MYO18B: variants seen among roughly 807,000 people sequenced by gnomAD.
MYO18B encodes unconventional myosin-XVIIIb.
In MYO18B, 204 loss-of-function variants were observed where a neutral mutation model predicts 273.0. The ratio of observed to expected loss-of-function variants is 0.75; its 90% CI spans 0.67 to 0.84. The LOEUF (loss-of-function observed/expected upper bound fraction) is 0.84. Ranked by LOEUF, MYO18B falls within the 40% of genes least tolerant of loss-of-function variation. The pLI is 0.00. For synonymous variants in MYO18B, 1,330 were observed against 1,305.7 expected, an observed-to-expected ratio of 1.02 and a Z score of -0.40; for missense variants, 3,212 against 3,287.6, an observed-to-expected ratio of 0.98 and a Z score of 0.56.
At chr22:25,838,612 T>G (rs2089977862) in intron 17 of MYO18B, among the ~76,000 whole-genome samples, 1 of 152,238 alleles carries the variant, frequency 6.6e-6, no homozygotes, top group African/African-American at 2.4e-5. Flanking sequence ...TACCATTGTG[T>G]TATGGTGGCT....
intron 13 of MYO18B, among the ~76,000 whole-genome samples, chr22:25,825,066 G>T (rs2089442275): frequency 6.6e-6 from 1 of 152,036 alleles, no homozygotes; most frequent in Non-Finnish European, 1.5e-5. Flanking sequence ...CACACGCATA[G>T]ACACAAGCAC....
intron 11 of MYO18B, among the ~76,000 whole-genome samples, chr22:25,789,189 G>A (rs2087543652): frequency 1.3e-5 from 2 of 150,486 alleles, no homozygotes; most frequent in Admixed American, 6.7e-5. Context: ...GGAGGGCTTA[G>A]CCTGCTCCCC....
intron 39 of MYO18B, among the ~76,000 whole-genome samples, chr22:25,984,518 G>A (rs1021524873): frequency 6.6e-6 from 1 of 152,164 alleles, no homozygotes; most frequent in Non-Finnish European, 1.5e-5. Context: ...GGCTGGGTAC[G>A]GTGGCTCATG....
At chr22:25,909,317 A>G (rs2092110564) in intron 32 of MYO18B, among the ~76,000 whole-genome samples, 1 of 152,104 alleles carries the variant, frequency 6.6e-6, no homozygotes, top group Non-Finnish European at 1.5e-5. Context: ...TACAGAATAC[A>G]CTCAATTTTG....
At chr22:25,847,681 G>T (rs1373710480) in intron 20 of MYO18B, 29 bp downstream of exon 20, 22 of 1,509,254 alleles carry the variant, frequency 1.5e-5, no homozygotes, top group East Asian at 2.5e-5. Context: ...ACAGCACCTT[G>T]TCTCTGACTC....
At chr22:25,756,542 T>G (rs1241229168) in intron 1 of MYO18B, 1 of 152,222 alleles carries the variant, frequency 6.6e-6, no homozygotes, top group Non-Finnish European at 1.5e-5. Flanking sequence ...ATGGCTGCCG[T>G]TAAGTTATGA....
intron 11 of MYO18B, 144 bp from the exon 12 acceptor site, chr22:25,797,809 C>G (rs1226648794): frequency 1.7e-6 from 2 of 1,153,972 alleles, no homozygotes; most frequent in East Asian, 4.7e-5. Flanking sequence ...TCTGTCAGTA[C>G]TCCTCAGCTT....
At chr22:25,852,060 G>C (rs753475464) in intron 21 of MYO18B, among the ~76,000 whole-genome samples, 1 of 152,214 alleles carries the variant, frequency 6.6e-6, no homozygotes, top group Non-Finnish European at 1.5e-5. Context: ...TGCAAAGTGT[G>C]TTCCATTCAG....
intron 39 of MYO18B, among the ~76,000 whole-genome samples, chr22:25,967,494 A>G (rs2092992171): frequency 6.6e-6 from 1 of 152,110 alleles, no homozygotes; most frequent in African/African-American, 2.4e-5. Context: ...TTCTCTTTTT[A>G]CTGTTCTTTT....
intron 34 of MYO18B, among the ~76,000 whole-genome samples, chr22:25,945,683 TCCTCTCCCCTCGCCTCC>T (rs757771979): frequency 0.044 from 5,652 of 127,530 alleles, 365 homozygotes; most frequent in East Asian, 0.059. Flanking sequence ...AGGAGGCCTC[TCCTCTCCCCTCGCCTCC>T]CCTCTCCCCT....
intron 1 of MYO18B, among the ~76,000 whole-genome samples, chr22:25,751,012 C>A (rs1225971988): frequency 1.3e-5 from 2 of 152,352 alleles, no homozygotes; most frequent in South Asian, 2.1e-4. Flanking sequence ...ATCAGCCCCA[C>A]CACCTCCTGG....
At position 26,030,535 on chromosome 22, in the gene MYO18B, A is replaced by G. The variant is rs906156722; in HGVS notation, c.*105A>G. Reference sequence around the variant, plus strand: ...GCCTCCCCGGTGGCCAGAGCCAGCCAGCATGGCCACCCTCAAGAGGCGAGA... The same window carrying G: ...GCCTCCCCGGTGGCCAGAGCCAGCCGGCATGGCCACCCTCAAGAGGCGAGA... On this transcript the variant is annotated 3_prime_UTR_variant, in exon 44 of 44. Coordinates refer to ENST00000335473, the MANE Select transcript of MYO18B (RefSeq NM_032608.7). 7.4e-5 allele frequency: 13 copies of G among 176,490 alleles called. No homozygotes were observed. Among genetic ancestry groups the G allele is most frequent in the Non-Finnish European group, 1.3e-4 (11 of 84,048 alleles). The allele number at this position is 176,490 out of a possible 1,614,324, so 10.9% of individuals were successfully genotyped here. A position where few individuals can be genotyped will look rare whatever the true frequency, so the allele number is the denominator to read the frequency against.
chr22:25,818,427 T>G (rs1256613732), intron 12 of MYO18B, among the ~76,000 whole-genome samples: 3 of 152,200 alleles, frequency 2.0e-5, no homozygotes, highest in Non-Finnish European at 4.4e-5. Context: ...CTTGTACCTC[T>G]TTGCACAAGA....
intron 22 of MYO18B, among the ~76,000 whole-genome samples, chr22:25,868,661 A>C (rs2146145528): frequency 6.6e-6 from 1 of 152,308 alleles, no homozygotes; most frequent in South Asian, 2.1e-4. Flanking sequence ...TCTGGTCCTC[A>C]AGATGACCTT....
At chr22:25,790,415 C>T (rs2087610620) in intron 11 of MYO18B, among the ~76,000 whole-genome samples, 1 of 152,212 alleles carries the variant, frequency 6.6e-6, no homozygotes, top group Non-Finnish European at 1.5e-5. Context: ...GACTCCCAAA[C>T]CTCCGTCTAA....
intron 25 of MYO18B, among the ~76,000 whole-genome samples, chr22:25,886,623 A>G (rs2091508665): frequency 6.6e-6 from 1 of 152,112 alleles, no homozygotes; most frequent in Non-Finnish European, 1.5e-5. Context: ...ATCTGTACCC[A>G]CTGGCTACTT....
chr22:25,784,638 AT>A lies in MYO18B; in HGVS notation c.2313-787del, dbSNP rs557261401. On this transcript the variant is annotated intron_variant, in intron 10 of 43. Coordinates refer to ENST00000335473, the MANE Select transcript of MYO18B (RefSeq NM_032608.7). ...AGTAATCCCCACTTTCCAGGAACCA[AT>A]TTGAACCAACGTGGGATTGGGGATC... is the stretch of plus-strand genomic sequence containing the variant. 6.7e-4 allele frequency among the ~76,000 whole-genome samples: 102 copies of A among 152,318 alleles called. 3 individuals are homozygous for A. The South Asian group carries it at 0.021, about 31-fold the overall frequency.
rs778036226 is a variant in MYO18B, at chr22:25,772,306, G to A, written c.1693-28G>A. ...AGGGGGCCAGAAGGCCAGAAGGCCA[G>A]AGGAGACTCTGTGTGATGGTTTCAC... On this transcript the variant is annotated intron_variant, in intron 6 of 43. Transcript: ENST00000335473. 3 of 1,604,306 alleles carry A rather than the reference G, an allele frequency of 1.9e-6. No homozygotes were observed. In the Admixed American group the frequency reaches 5.0e-5, roughly 27 times the overall value.
chr22:26,043,511 C>CTTTTTTTTTTTTTTTTTTTTTTTTT, the MYO18B span, among the ~76,000 whole-genome samples: 1 of 123,036 alleles, frequency 8.1e-6, no homozygotes, highest in Admixed American at 8.4e-5. Flanking sequence ...TTTTTTCTTT[C>CTTTTTTTTTTTTTTTTTTTTTTTTT]TTTTTTTTTT....
Sources: allele counts gnomAD v4.1 joint callset (sites outside exome capture counted in the v4.1 genomes callset), GRCh38; gene constraint gnomAD v4.1.1; transcripts MANE v1.5; gene names NCBI Gene and HGNC (gene_info 2026-07-23, HGNC 2026-07-21).